WDR7: variants seen among roughly 807,000 people sequenced by gnomAD.
WDR7 encodes the protein WD repeat domain 7.
WDR7 carries 46 observed loss-of-function variants against 169.4 expected under a neutral mutation model. The ratio of observed to expected loss-of-function variants is 0.27; its 90% CI spans 0.21 to 0.35. WDR7 has a LOEUF of 0.35. Among genes scored for constraint, WDR7 ranks in the 10% least tolerant of loss-of-function variants. WDR7 has a pLI of 1.00. For synonymous variants in WDR7, 612 were observed against 666.8 expected (o/e 0.92, Z 1.27); for missense variants, 1,534 against 1,859.3 (o/e 0.83, Z 3.22).
chr18:56,874,473 G>A (rs2045996389), intron 20 of WDR7, among the ~76,000 whole-genome samples: 1 of 151,898 alleles, frequency 6.6e-6, no homozygotes, highest in African/African-American at 2.4e-5. Context: ...TATCAGACTA[G>A]AAGATATTTT....
chr18:57,006,110 A>T (rs1376783287), intron 26 of WDR7, among the ~76,000 whole-genome samples: 1 of 152,224 alleles, frequency 6.6e-6, no homozygotes, highest in Non-Finnish European at 1.5e-5. Context: ...TAAAGTGAAT[A>T]AAATTAGCAT....
At chr18:56,790,434 C>A (rs755748541) in intron 19 of WDR7, among the ~76,000 whole-genome samples, 41 of 152,176 alleles carry the variant, frequency 2.7e-4, no homozygotes, top group South Asian at 2.5e-3. Context: ...GCCTTGTGAT[C>A]TGCATATGAC....
At chr18:56,918,186 G>A (rs149504597) in intron 21 of WDR7, among the ~76,000 whole-genome samples, 313 of 152,300 alleles carry the variant, frequency 2.1e-3, no homozygotes, top group African/African-American at 7.1e-3. Flanking sequence ...TGCAGTATCT[G>A]TACTGCTCAC....
intron 20 of WDR7, among the ~76,000 whole-genome samples, chr18:56,876,882 C>T (rs2046030600): frequency 2.6e-5 from 4 of 152,008 alleles, no homozygotes; most frequent in Admixed American, 2.6e-4. Flanking sequence ...AACCAAAGTA[C>T]TTTTTAAAAC....
At chr18:56,902,137 A>G (rs1251445392) in intron 21 of WDR7, among the ~76,000 whole-genome samples, 1 of 152,150 alleles carries the variant, frequency 6.6e-6, no homozygotes, top group East Asian at 1.9e-4. Context: ...TGCATATAGC[A>G]GTTGGCTTGA....
chr18:56,833,681 C>G (rs1004086901), intron 20 of WDR7, among the ~76,000 whole-genome samples: 2 of 152,018 alleles, frequency 1.3e-5, no homozygotes, highest in African/African-American at 2.4e-5. Flanking sequence ...TTTCTTTAAC[C>G]CCCACCTCAT....
At chr18:56,807,849 T>C (rs2044802910) in intron 19 of WDR7, among the ~76,000 whole-genome samples, 2 of 152,216 alleles carry the variant, frequency 1.3e-5, no homozygotes, top group African/African-American at 4.8e-5. Context: ...AAACTAACTT[T>C]ATTGTTTTTG....
chr18:56,900,632 T>C (rs2046389725), intron 21 of WDR7, among the ~76,000 whole-genome samples: 1 of 152,168 alleles, frequency 6.6e-6, no homozygotes, highest in Non-Finnish European at 1.5e-5. Context: ...ATTAGACTTC[T>C]TTAAAGAGTC....
chr18:56,810,211 G>A (rs563442048), intron 19 of WDR7, among the ~76,000 whole-genome samples: 203 of 152,176 alleles, frequency 1.3e-3, no homozygotes, highest in African/African-American at 4.6e-3. Context: ...AAAGTTAAAA[G>A]CACCTATCAG....
In WDR7 at chr18:56,821,237, G is replaced by GA. The variant is rs560802681; in HGVS notation, c.3304+5099dup. ...AAGATGAGAGCTGCCATGGAAAGAA[G>GA]AAAAAATAGAGAAGGGTAAGAGAAG... On this transcript the variant is annotated intron_variant, in intron 20 of 27. Coordinates refer to ENST00000254442, the MANE Select transcript of WDR7 (RefSeq NM_015285.3). 2.2e-3 allele frequency among the ~76,000 whole-genome samples: 341 copies of GA among 152,194 alleles called. 1 individual carries two copies. The highest frequency in any genetic ancestry group is 3.9e-3 in the Non-Finnish European group (265 of 67,976).
intron 14 of WDR7, among the ~76,000 whole-genome samples, chr18:56,750,569 G>A (rs2043775949): frequency 6.6e-6 from 1 of 152,164 alleles, no homozygotes; most frequent in Admixed American, 6.5e-5. Context: ...GTGAGTTTGT[G>A]AGCACACATT....
At position 56,673,160 on chromosome 18, in the gene WDR7, G is replaced by GACACAC. The variant is rs36051303; in HGVS notation, c.159+507_159+512dup. Among the ~76,000 whole-genome samples the GACACAC allele has an allele frequency of 2.4e-3, 350 of 147,020 alleles. 2 individuals are homozygous for GACACAC. Among genetic ancestry groups the GACACAC allele is most frequent in the African/African-American group, 7.5e-3 (303 of 40,366 alleles). On this transcript the variant is annotated intron_variant, in intron 2 of 27. Transcript: ENST00000254442. ...CAGAGCTAGGGAAATAGGAGCTGGG[G>GACACAC]ACACACACACACACACACACACACA...
chr18:56,792,031 CT>C (rs2044495497), intron 19 of WDR7, among the ~76,000 whole-genome samples: 3 of 150,842 alleles, frequency 2.0e-5, no homozygotes, highest in Admixed American at 2.0e-4. Context: ...CTTTTTCTTT[CT>C]TTCAAGATAG....
At chr18:57,008,911 A>G (rs2048101475) in intron 26 of WDR7, among the ~76,000 whole-genome samples, 1 of 152,236 alleles carries the variant, frequency 6.6e-6, no homozygotes, top group Admixed American at 6.5e-5. Flanking sequence ...AAACTATTTA[A>G]TCCCATGAGG....
intron 1 of WDR7, among the ~76,000 whole-genome samples, chr18:56,663,634 C>CATATATACATATATATATGA (rs2024955426): frequency 3.3e-4 from 1 of 3,060 alleles, no homozygotes; most frequent in African/African-American, 3.7e-4. Flanking sequence ...CACATATATG[C>CATATATACATATATATATGA]ACAGCATATA....
At chr18:56,855,051 A>T (rs1403570927) in intron 20 of WDR7, among the ~76,000 whole-genome samples, 1 of 152,194 alleles carries the variant, frequency 6.6e-6, no homozygotes, top group Non-Finnish European at 1.5e-5. Flanking sequence ...ATTCTTATCC[A>T]AGATGTATGA....
intron 25 of WDR7, among the ~76,000 whole-genome samples, chr18:56,958,125 G>A (rs534667497): frequency 2.0e-5 from 3 of 152,258 alleles, no homozygotes; most frequent in South Asian, 4.1e-4. Flanking sequence ...CTGAGTGTTT[G>A]GCAAACTCCC....
intron 1 of WDR7, among the ~76,000 whole-genome samples, chr18:56,657,723 T>A (rs2024808852): frequency 6.6e-6 from 1 of 152,184 alleles, no homozygotes; most frequent in Non-Finnish European, 1.5e-5. Flanking sequence ...TTAAAGCTGC[T>A]TTGCTGAATA....
chr18:56,697,237 A>G (rs1416210802), intron 12 of WDR7, among the ~76,000 whole-genome samples: 1 of 152,230 alleles, frequency 6.6e-6, no homozygotes, highest in East Asian at 1.9e-4. Flanking sequence ...CAGCTCTGGT[A>G]TTACTGAAAT....
Sources: allele counts gnomAD v4.1 joint callset (sites outside exome capture counted in the v4.1 genomes callset), GRCh38; gene constraint gnomAD v4.1.1; transcripts MANE v1.5; gene names NCBI Gene and HGNC (gene_info 2026-07-23, HGNC 2026-07-21).